The following GLI2 variants were observed in gnomAD, a reference collection of about 807,000 sequenced individuals.
GLI2 encodes the protein GLI family zinc finger 2, also known as transcription activator GLI2.
GLI2 carries 22 observed loss-of-function variants against 78.9 expected under a neutral mutation model. The observed-to-expected ratio is 0.28, with a 90% CI of 0.20 to 0.40. The LOEUF (loss-of-function observed/expected upper bound fraction) is 0.40. Among genes scored for constraint, GLI2 ranks in the 10% least tolerant of loss-of-function variants. GLI2 has a pLI of 1.00. For synonymous variants in GLI2, 974 were observed against 963.7 expected (o/e 1.01, Z -0.20); for missense variants, 2,097 against 2,213.2 (o/e 0.95, Z 1.05).
rs1558773434 is a variant in GLI2 at position 120,737,345 on chromosome 2, A to T, written c.-31+1060A>T. ...GAAACCCGACTTTTACCGCGCGGGG[A>T]GCTGGGGATGGAGCCCGTGCGCCTC... On this transcript the variant is annotated intron_variant, in intron 1 of 13. Coordinates refer to ENST00000361492, the MANE Select transcript of GLI2 (RefSeq NM_001374353.1). This position sits in a 1 kb window ranked among gnomAD's most constrained non-coding sequence, Gnocchi z 4.3. 6.6e-6 allele frequency among the ~76,000 whole-genome samples: 1 copy of T among 151,820 alleles called. No individual in the cohort carries two copies. The highest frequency in any genetic ancestry group is 2.4e-5 in the African/African-American group (1 of 41,380).
chr2:120,830,203 G>T (rs895482), intron 2 of GLI2, among the ~76,000 whole-genome samples: 24,788 of 152,160 alleles, frequency 0.16, 2,048 homozygotes, highest in Middle Eastern at 0.23. Flanking sequence ...GGCTCCTGGT[G>T]CAGCCACCTG....
chr2:120,878,398 AG>A (rs965222732), intron 2 of GLI2, among the ~76,000 whole-genome samples: 1 of 152,244 alleles, frequency 6.6e-6, no homozygotes, highest in Non-Finnish European at 1.5e-5. Flanking sequence ...GTTGCAGTAA[AG>A]TCACTTTATG....
chr2:120,932,929 C>T (rs992220305), intron 3 of GLI2, among the ~76,000 whole-genome samples: 12 of 152,248 alleles, frequency 7.9e-5, no homozygotes, highest in African/African-American at 2.9e-4. Flanking sequence ...GGGGGTCTTT[C>T]TTTCCCCCAG....
chr2:120,786,460 C>T (rs1462453569), intron 1 of GLI2, among the ~76,000 whole-genome samples: 2 of 150,976 alleles, frequency 1.3e-5, no homozygotes, highest in East Asian at 3.9e-4. Flanking sequence ...ACCACCCCCA[C>T]CCTCCAACCC....
At chr2:120,956,829 A>G (rs1441268280) in intron 5 of GLI2, among the ~76,000 whole-genome samples, 1 of 152,050 alleles carries the variant, frequency 6.6e-6, no homozygotes, top group Admixed American at 6.5e-5. Flanking sequence ...AGGCGGGGCC[A>G]TGAGACTCAG....
chr2:120,936,905 C>T (rs1000845802), intron 3 of GLI2, among the ~76,000 whole-genome samples: 7 of 152,210 alleles, frequency 4.6e-5, no homozygotes, highest in Non-Finnish European at 8.8e-5. Flanking sequence ...GTGAGCAGTG[C>T]CCTGCCCCTG....
intron 4 of GLI2, among the ~76,000 whole-genome samples, chr2:120,952,491 C>T (rs11682618): frequency 0.013 from 1,948 of 152,266 alleles, 28 homozygotes; most frequent in Middle Eastern, 0.02. Flanking sequence ...TGGGATTGCA[C>T]GATGAAAAGG....
At chr2:120,920,714 C>CT (rs1443426160) in intron 2 of GLI2, among the ~76,000 whole-genome samples, 30 of 13,796 alleles carry the variant, frequency 2.2e-3, no homozygotes, top group Admixed American at 0.011. Flanking sequence ...AACAAATGTG[C>CT]ATTTTTTTTT....
At chr2:120,953,949 A>G (rs1681115769) in intron 4 of GLI2, among the ~76,000 whole-genome samples, 1 of 152,164 alleles carries the variant, frequency 6.6e-6, no homozygotes, top group African/African-American at 2.4e-5. Context: ...GCATGAGTTC[A>G]AGATAAACAC....
At chr2:120,966,536 A>G (rs1199005420) in intron 5 of GLI2, among the ~76,000 whole-genome samples, 2 of 152,202 alleles carry the variant, frequency 1.3e-5, no homozygotes, top group Non-Finnish European at 2.9e-5. Flanking sequence ...AAACCCTGGA[A>G]GCCCCTTTCG....
At chr2:120,926,144 A>G (rs561609325) in intron 2 of GLI2, among the ~76,000 whole-genome samples, 3 of 152,224 alleles carry the variant, frequency 2.0e-5, no homozygotes, top group South Asian at 4.1e-4. Context: ...AAGAAAAAAA[A>G]AAAGAATTCA....
chr2:120,845,071 G>A (rs1267114345), intron 2 of GLI2, among the ~76,000 whole-genome samples: 2 of 152,004 alleles, frequency 1.3e-5, no homozygotes, highest in Non-Finnish European at 2.9e-5. Flanking sequence ...TCAGGAGTTC[G>A]AGACCAGTCT....
At chr2:120,858,360 A>G (rs1234838399) in intron 2 of GLI2, among the ~76,000 whole-genome samples, 1 of 152,168 alleles carries the variant, frequency 6.6e-6, no homozygotes, top group African/African-American at 2.4e-5. Flanking sequence ...GTCTCTCCCC[A>G]TGCCCCCGCC....
At chr2:120,835,823 T>C (rs1315437942) in intron 2 of GLI2, among the ~76,000 whole-genome samples, 2 of 152,144 alleles carry the variant, frequency 1.3e-5, no homozygotes, top group East Asian at 1.9e-4. Flanking sequence ...TGTGTGTGTA[T>C]ACATATATAT....
chr2:120,742,701 A>G (rs939839677), intron 1 of GLI2, among the ~76,000 whole-genome samples: 3 of 138,802 alleles, frequency 2.2e-5, no homozygotes, highest in African/African-American at 2.9e-5. Flanking sequence ...AAAGAGGGAA[A>G]GAGAAAAATC....
chr2:120,832,712 T>C (rs1284545155), intron 2 of GLI2, among the ~76,000 whole-genome samples: 2 of 152,030 alleles, frequency 1.3e-5, no homozygotes, highest in African/African-American at 2.4e-5. Flanking sequence ...GAGACAAACC[T>C]GGGCTGGAAG....
In GLI2 at chr2:120,797,436, C is replaced by T. The variant is rs1448772862; in HGVS notation, c.116C>T (p.Ala39Val). 1.2e-6 allele frequency: 2 copies of T among 1,613,834 alleles called. No individual in the cohort carries two copies. The highest frequency in any genetic ancestry group is 1.7e-5 in the Admixed American group (1 of 60,004). ...GKKASPLVVA[A>V]AAAAAVAAQG... ...AAGGCCTCTCCTTTGGTGGTGGCTG[C>T]AGCGGCAGCAGCAGCGGTAGCTGCC... is the stretch of plus-strand genomic sequence containing the variant. The change falls in exon 2 of 14, where the codon GCA becomes GTA. Residue 39 changes from alanine (A) to valine (V), a missense_variant. Around this residue, in one of 5 missense-constraint regions of GLI2, gnomAD observed 578 missense variants for 612.0 expected, o/e 0.94. Coordinates refer to ENST00000361492, the MANE Select transcript of GLI2 (RefSeq NM_001374353.1).
chr2:120,829,946 T>A (rs368131978), intron 2 of GLI2, among the ~76,000 whole-genome samples: 22 of 152,308 alleles, frequency 1.4e-4, no homozygotes, highest in African/African-American at 5.0e-4. Context: ...CATGTTTTGC[T>A]AAGGGCAGGT....
chr2:120,905,776 A>G (rs1173281926), intron 2 of GLI2, among the ~76,000 whole-genome samples: 2 of 152,126 alleles, frequency 1.3e-5, no homozygotes, highest in African/African-American at 2.4e-5. Context: ...TCAGGACCCA[A>G]TATAGTGCCC....
Sources: allele counts gnomAD v4.1 joint callset (sites outside exome capture counted in the v4.1 genomes callset), GRCh38; gene constraint gnomAD v4.1.1; regional missense constraint gnomAD v4.1.1; non-coding constraint Gnocchi (gnomAD v3.1); transcripts MANE v1.5; gene names NCBI Gene and HGNC (gene_info 2026-07-23, HGNC 2026-07-21).